Variants in CASP9 observed in about 807,000 individuals in gnomAD.
CASP9 encodes caspase 9, also known as caspase-9.
CASP9 carries 29 observed loss-of-function variants against 43.5 expected under a neutral mutation model. That is an observed-to-expected ratio of 0.67 (90% CI 0.50 to 0.91). The LOEUF (loss-of-function observed/expected upper bound fraction) is 0.91. Among genes scored for constraint, CASP9 ranks in the 40% least tolerant of loss-of-function variants. CASP9 has a pLI of 0.00. For missense variants in CASP9, 575 were observed against 537.4 expected, an observed-to-expected ratio of 1.07 and a Z score of -0.69; for synonymous variants, 206 against 211.9, an observed-to-expected ratio of 0.97 and a Z score of 0.24.
chr1:15,519,156 T>C (rs1283106819), intron 1 of CASP9, among the ~76,000 whole-genome samples: 2 of 151,756 alleles, frequency 1.3e-5, no homozygotes, highest in East Asian at 1.9e-4. Context: ...ATTATAGGCA[T>C]GAGCCACCGT....
intron 2 of CASP9, among the ~76,000 whole-genome samples, chr1:15,509,705 T>C (rs532415414): frequency 2.7e-4 from 41 of 151,136 alleles, no homozygotes; most frequent in African/African-American, 9.2e-4. Flanking sequence ...AGAAATAGTG[T>C]GGTCTCATTG....
intron 8 of CASP9, chr1:15,493,291 C>G: frequency 4.4e-6 from 6 of 1,350,320 alleles, no homozygotes; most frequent in Non-Finnish European, 5.7e-6. Flanking sequence ...GCCCCAGCCT[C>G]GCAGCCCCTT....
intron 2 of CASP9, among the ~76,000 whole-genome samples, chr1:15,511,239 C>G (rs928185679): frequency 6.6e-6 from 1 of 152,120 alleles, no homozygotes; most frequent in Admixed American, 6.6e-5. Context: ...GGGTGATAAC[C>G]TAGATACCTT....
chr1:15,509,956 A>T (rs1446675216), intron 2 of CASP9, among the ~76,000 whole-genome samples: 3 of 152,132 alleles, frequency 2.0e-5, no homozygotes, highest in Non-Finnish European at 4.4e-5. Context: ...TTTGAGACAG[A>T]GTCTCGCTCT....
rs759311957 is a variant in CASP9 at position 15,524,119 on chromosome 1, C to G, written c.82G>C (p.Ala28Pro). Reference protein sequence around the residue: ...EELQVDQLWDALLSRELFRPH... With the variant: ...EELQVDQLWDPLLSRELFRPH... Reference sequence around the variant, plus strand: ...CTGAACAGCTCGCGGCTCAGCAGGGCGTCCCAGAGCTGGTCCACCTGCAGC... The same window carrying G: ...CTGAACAGCTCGCGGCTCAGCAGGGGGTCCCAGAGCTGGTCCACCTGCAGC... The change falls in exon 1 of 9, where the codon GCC (alanine) becomes CCC (proline). Residue 28 changes from alanine to proline, a missense_variant. Transcript: ENST00000333868. 2 of 1,539,418 alleles carry G rather than the reference C, an allele frequency of 1.3e-6. No homozygotes were observed. The highest frequency in any genetic ancestry group is 3.9e-5 in the Admixed American group (2 of 50,870).
chr1:15,500,547 T>G (rs1228219158), intron 6 of CASP9, among the ~76,000 whole-genome samples: 1 of 152,216 alleles, frequency 6.6e-6, no homozygotes, highest in East Asian at 1.9e-4. Flanking sequence ...TTCTGCCCCA[T>G]GTTTTTTGCC....
intron 2 of CASP9, among the ~76,000 whole-genome samples, chr1:15,516,437 T>C (rs1034481657): frequency 2.0e-5 from 3 of 147,900 alleles, no homozygotes; most frequent in Non-Finnish European, 4.5e-5. Flanking sequence ...GCCGTGATCA[T>C]GCCACTGCAC....
intron 1 of CASP9, among the ~76,000 whole-genome samples, chr1:15,518,690 C>G (rs1710056823): frequency 1.3e-5 from 2 of 152,164 alleles, no homozygotes; most frequent in African/African-American, 4.8e-5. Flanking sequence ...AATGACACAA[C>G]AAGAGACAAG....
chr1:15,524,555 A>AC, upstream of CASP9: 2 of 243,632 alleles, frequency 8.2e-6, no homozygotes, highest in African/African-American at 1.8e-4. Context: ...TCCCCGCCCC[A>AC]GAACCCGCCC....
At chr1:15,496,711 AAAATG>A (rs761843629) in intron 6 of CASP9, among the ~76,000 whole-genome samples, 5 of 152,242 alleles carry the variant, frequency 3.3e-5, no homozygotes, top group Non-Finnish European at 7.3e-5. Context: ...AAAGACTTGT[AAAATG>A]AAAACTACAA....
Position 15,524,175 on chromosome 1 carries a change from A to G in CASP9, c.26T>C (p.Leu9Pro), listed in dbSNP as rs754305322. 5.3e-5 allele frequency: 82 copies of G among 1,541,934 alleles called. No individual in the cohort carries two copies. In the Middle Eastern group the frequency reaches 1.3e-3, roughly 25 times the overall value. ...CACCAGCCGCAGCCGGCACCGCCGC[A>G]GGAGCCGCCGATCCGCTTCGTCCAT... MDEADRRL[L>P]RRCRLRLVEE... The change falls in exon 1 of 9, where the codon CTG (leucine) becomes CCG (proline). Residue 9 changes from leucine (L) to proline (P), a missense_variant. Coordinates refer to ENST00000333868, the MANE Select transcript of CASP9 (RefSeq NM_001229.5).
chr1:15,496,873 G>A (rs1320264504), intron 6 of CASP9, among the ~76,000 whole-genome samples: 2 of 151,892 alleles, frequency 1.3e-5, no homozygotes, highest in Non-Finnish European at 2.9e-5. Flanking sequence ...AATTTAGCCA[G>A]GTGTGGTGGC....
At chr1:15,516,790 A>T (rs112852680) in intron 2 of CASP9, among the ~76,000 whole-genome samples, 1 of 152,374 alleles carries the variant, frequency 6.6e-6, no homozygotes, top group Non-Finnish European at 1.5e-5. Flanking sequence ...AATGTCCACC[A>T]GCATGAGTCG....
chr1:15,507,019 G>T lies in CASP9; in HGVS notation c.510C>A (p.Asn170Lys), dbSNP rs896270383. The stretch of plus-strand genomic sequence containing the variant: ...TGCGGAGCCCGGACTCACGGCAGAA[G>T]TTCACATTGTTGATAATGAGGCAGT... ...CGHCLIINNV[N>K]FCRESGLRTR... Residue 170 changes from asparagine (N) to lysine (K), a missense_variant, in exon 4 of 9, where the codon AAC becomes AAA. By Grantham distance (94) the Asn-to-Lys change is moderately conservative. Coordinates refer to ENST00000333868, the MANE Select transcript of CASP9 (RefSeq NM_001229.5). The T allele has an allele frequency of 1.2e-6, 2 of 1,614,212 alleles. No homozygotes were observed. Among genetic ancestry groups the T allele is most frequent in the Non-Finnish European group, 1.7e-6 (2 of 1,180,026 alleles).
At chr1:15,493,245 A>G (rs1242168130) in intron 8 of CASP9, 4 of 1,406,020 alleles carry the variant, frequency 2.8e-6, no homozygotes, top group African/African-American at 2.9e-5. Flanking sequence ...CATAAAGTTC[A>G]AATCAGACTG....
intron 6 of CASP9, 87 bp downstream of exon 6, chr1:15,504,524 C>T: frequency 3.6e-6 from 5 of 1,393,338 alleles, no homozygotes; most frequent in Non-Finnish European, 4.9e-6. Context: ...ACCTCATGGG[C>T]CCTGTGAGGG....
intron 6 of CASP9, among the ~76,000 whole-genome samples, chr1:15,497,895 C>T (rs1009972261): frequency 5.3e-5 from 8 of 152,154 alleles, no homozygotes. Flanking sequence ...GATTTCAAAA[C>T]TTACTACAAA....
intron 2 of CASP9, among the ~76,000 whole-genome samples, chr1:15,512,568 G>A (rs370910680): frequency 2.0e-5 from 3 of 152,256 alleles, no homozygotes; most frequent in African/African-American, 4.8e-5. Context: ...TACACCACCA[G>A]CTTTCCTGGT....
At chr1:15,502,011 A>G (rs1709349466) in intron 6 of CASP9, among the ~76,000 whole-genome samples, 1 of 152,122 alleles carries the variant, frequency 6.6e-6, no homozygotes, top group African/African-American at 2.4e-5. Context: ...TGGCCTCCCA[A>G]ACTGTTGGGA....
Sources: allele counts gnomAD v4.1 joint callset (sites outside exome capture counted in the v4.1 genomes callset), GRCh38; gene constraint gnomAD v4.1.1; transcripts MANE v1.5; gene names NCBI Gene and HGNC (gene_info 2026-07-23, HGNC 2026-07-21).